RUBCN: variants seen among roughly 807,000 people sequenced by gnomAD.
The protein encoded by RUBCN is run domain Beclin-1-interacting and cysteine-rich domain-containing protein.
RUBCN carries 74 observed loss-of-function variants against 113.2 expected under a neutral mutation model. That is an observed-to-expected ratio of 0.65 (90% CI 0.54 to 0.79). The LOEUF is 0.79. RUBCN is among the 30% of genes least tolerant of loss of function. The probability of loss-of-function intolerance (pLI) is 0.00; values close to 1 mark genes in which losing one functional copy is unlikely to be tolerated. For synonymous variants in RUBCN, 480 were observed against 490.0 expected, an observed-to-expected ratio of 0.98 and a Z score of 0.27; for missense variants, 1,109 against 1,251.7, an observed-to-expected ratio of 0.89 and a Z score of 1.72.
intron 1 of RUBCN, among the ~76,000 whole-genome samples, chr3:197,735,776 A>AG (rs1184489127): frequency 6.6e-6 from 1 of 151,902 alleles, no homozygotes; most frequent in Non-Finnish European, 1.5e-5. Context: ...ATTTTTGTAG[A>AG]GACGGGGATC....
intron 11 of RUBCN, among the ~76,000 whole-genome samples, chr3:197,688,290 G>C (rs1299734894): frequency 6.6e-6 from 1 of 152,124 alleles, no homozygotes; most frequent in African/African-American, 2.4e-5. Context: ...GCCTCCCAAA[G>C]TTCTGGGATG....
chr3:197,710,027 A>G (rs1724779046), intron 2 of RUBCN, among the ~76,000 whole-genome samples: 1 of 151,890 alleles, frequency 6.6e-6, no homozygotes, highest in Non-Finnish European at 1.5e-5. Context: ...AAAATTAGCC[A>G]GGCGTGGTGG....
intron 2 of RUBCN, among the ~76,000 whole-genome samples, chr3:197,717,402 C>T (rs539103292): frequency 6.8e-6 from 1 of 147,992 alleles, no homozygotes; most frequent in Non-Finnish European, 1.5e-5. Context: ...CAAGATCGCA[C>T]CACCGCACTC....
chr3:197,707,226 G>A (rs1724411225), intron 2 of RUBCN, among the ~76,000 whole-genome samples: 1 of 152,056 alleles, frequency 6.6e-6, no homozygotes, highest in Non-Finnish European at 1.5e-5. Flanking sequence ...CAGCTACTCG[G>A]GGGGCTGAGG....
In RUBCN at chr3:197,673,905, C is replaced by T. The variant is rs1205184942; in HGVS notation, c.*1113G>A. 1 of 152,310 alleles carries T rather than the reference C, an allele frequency of 6.6e-6. No individual in the cohort carries two copies. The highest frequency in any genetic ancestry group is 2.1e-4 in the South Asian group (1 of 4,828). The allele number at this position is 152,310 out of a possible 1,614,324, so 9.4% of individuals were successfully genotyped here. A position where few individuals can be genotyped will look rare whatever the true frequency, so the allele number is the denominator to read the frequency against. On this transcript the variant is annotated 3_prime_UTR_variant, in exon 20 of 20. Coordinates refer to ENST00000296343, the MANE Select transcript of RUBCN (RefSeq NM_014687.4). Reference sequence around the variant, plus strand: ...TCAAGTTCTGTAACAGCACTAATAGCAGGAAGCTTTTCTCCAACTTTGACC... The same window carrying T: ...TCAAGTTCTGTAACAGCACTAATAGTAGGAAGCTTTTCTCCAACTTTGACC...
chr3:197,683,279 T>C lies in RUBCN; in HGVS notation c.1980+28A>G. ...GGTCACAGAGGCTCACGATGGCCCCTGGGTAGGAAGAAGAGCTAAGGACCT... is the reference window on the plus strand; with the variant it reads ...GGTCACAGAGGCTCACGATGGCCCCCGGGTAGGAAGAAGAGCTAAGGACCT... On this transcript the variant is annotated intron_variant, in intron 13 of 19. Transcript: ENST00000296343. The surrounding 1 kb of genome is among the most constrained non-coding windows in gnomAD (Gnocchi z 4.6). The C allele has an allele frequency of 6.2e-7, 1 of 1,614,058 alleles. No homozygotes were observed.
intron 11 of RUBCN, chr3:197,691,118 A>C (rs189490949): frequency 7.7e-5 from 99 of 1,289,494 alleles, no homozygotes; most frequent in Admixed American, 1.1e-4. Flanking sequence ...GTTCTTTGAT[A>C]TGTGAGTCAG....
rs867587020 is a variant in RUBCN, at chr3:197,684,306, C to T, written c.1787-89G>A. The T allele has an allele frequency of 1.2e-5, 12 of 980,932 alleles. No individual in the cohort carries two copies. The Middle Eastern group carries it at 7.8e-4, about 63-fold the overall frequency. The allele number at this position is 980,932 out of a possible 1,614,324, so 60.8% of individuals were successfully genotyped here. ...CTATTACAAGGTGCTCCCAGCTAAG[C>T]TCTCAGGGTAACAGCCAGGTGCCAC... On this transcript the variant is annotated intron_variant, in intron 11 of 19. Transcript: ENST00000296343.
intron 1 of RUBCN, among the ~76,000 whole-genome samples, chr3:197,735,471 C>T (rs991902826): frequency 3.3e-5 from 5 of 152,240 alleles, no homozygotes; most frequent in Non-Finnish European, 5.9e-5. Context: ...TCTCGCCTGT[C>T]AGCATTCCAG....
At chr3:197,695,761 T>G in intron 9 of RUBCN, 105 bp downstream of exon 9, 1 of 1,017,096 alleles carries the variant, frequency 9.8e-7, no homozygotes, top group Non-Finnish European at 1.6e-6. Flanking sequence ...GAACTTATCT[T>G]TACTGTAATC....
rs756171662 is a variant in RUBCN at position 197,677,565 on chromosome 3, G to A, written c.2431-24C>T. The A allele has an allele frequency of 3.1e-6, 5 of 1,607,944 alleles. No homozygotes were observed. In the South Asian group the frequency reaches 3.3e-5, roughly 11 times the overall value. ...AGCTGAAAAGAAAGAGAGGGGGGCAGGAGTGGGAGGGAGATGTGAGAAGAG... is the reference window on the plus strand; with the variant it reads ...AGCTGAAAAGAAAGAGAGGGGGGCAAGAGTGGGAGGGAGATGTGAGAAGAG... On this transcript the variant is annotated intron_variant, in intron 16 of 19. Coordinates refer to ENST00000296343, the MANE Select transcript of RUBCN (RefSeq NM_014687.4).
chr3:197,717,351 G>A (rs1725651261), intron 2 of RUBCN, among the ~76,000 whole-genome samples: 1 of 151,852 alleles, frequency 6.6e-6, no homozygotes, highest in African/African-American at 2.4e-5. Flanking sequence ...GGCTGAGCCA[G>A]GAGAATGCTG....
intron 11 of RUBCN, among the ~76,000 whole-genome samples, chr3:197,690,449 C>G (rs2108873958): frequency 6.6e-6 from 1 of 152,242 alleles, no homozygotes; most frequent in South Asian, 2.1e-4. Flanking sequence ...AAAAAAAATA[C>G]AAAAGTTCTG....
intron 9 of RUBCN, 28 bp downstream of exon 9, chr3:197,695,838 G>A (rs376930307): frequency 1.4e-5 from 23 of 1,588,626 alleles, no homozygotes; most frequent in Non-Finnish European, 1.9e-5. Flanking sequence ...CAACTCATGA[G>A]CTCTTCATGA....
chr3:197,689,722 C>A (rs1722219146), intron 11 of RUBCN, among the ~76,000 whole-genome samples: 1 of 152,148 alleles, frequency 6.6e-6, no homozygotes, highest in Non-Finnish European at 1.5e-5. Context: ...TGACAGGGCA[C>A]AAGTGATATT....
chr3:197,698,062 C>T (rs992345645), intron 7 of RUBCN, among the ~76,000 whole-genome samples: 2 of 152,136 alleles, frequency 1.3e-5, no homozygotes, highest in African/African-American at 4.8e-5. Context: ...TTCAAGATTC[C>T]CAAACAGCAC....
intron 18 of RUBCN, chr3:197,676,088 G>T: frequency 1.7e-6 from 1 of 604,862 alleles, no homozygotes; most frequent in Non-Finnish European, 2.1e-6. Context: ...CGACAATAAC[G>T]ACGTGCGTTT....
rs544574308 is a variant in RUBCN at position 197,718,802 on chromosome 3, C to T, written c.66-672G>A. Reference sequence around the variant, plus strand: ...ATACAAAAAGATGAAGGCATCCACACAGAACCAGACATCTTTTGCCAAACA... The same window carrying T: ...ATACAAAAAGATGAAGGCATCCACATAGAACCAGACATCTTTTGCCAAACA... On this transcript the variant is annotated intron_variant, in intron 1 of 19. Transcript: ENST00000296343. 2.4e-4 allele frequency among the ~76,000 whole-genome samples: 37 copies of T among 152,308 alleles called. No individual in the cohort carries two copies. In the South Asian group the frequency reaches 7.7e-3, roughly 32 times the overall value.
At chr3:197,726,222 G>C (rs202246661) in intron 1 of RUBCN, among the ~76,000 whole-genome samples, 1 of 152,024 alleles carries the variant, frequency 6.6e-6, no homozygotes, top group Non-Finnish European at 1.5e-5. Context: ...TATTTCTTTT[G>C]TATTTTATTT....
Sources: allele counts gnomAD v4.1 joint callset (sites outside exome capture counted in the v4.1 genomes callset), GRCh38; gene constraint gnomAD v4.1.1; non-coding constraint Gnocchi (gnomAD v3.1); transcripts MANE v1.5; gene names NCBI Gene and HGNC (gene_info 2026-07-23, HGNC 2026-07-21).